Variants in ASIC2 observed in about 807,000 individuals in gnomAD.
The protein encoded by ASIC2 is acid-sensing ion channel 2.
ASIC2 carries 25 observed loss-of-function variants against 57.3 expected under a neutral mutation model. The ratio of observed to expected loss-of-function variants is 0.44; its 90% CI spans 0.32 to 0.61. The LOEUF (loss-of-function observed/expected upper bound fraction) is 0.61. ASIC2 is among the 20% of genes least tolerant of loss of function. The pLI is 0.06. For missense variants in ASIC2, 641 were observed against 738.1 expected (o/e 0.87, Z 1.52); for synonymous variants, 319 against 307.5 (o/e 1.04, Z -0.39).
At chr17:33,381,336 G>A (rs990660287) in intron 1 of ASIC2, among the ~76,000 whole-genome samples, 1 of 152,244 alleles carries the variant, frequency 6.6e-6, no homozygotes, top group Non-Finnish European at 1.5e-5. Flanking sequence ...GGCACCAAGA[G>A]CATGGGGGGA....
chr17:33,215,836 A>T (rs1907459910), intron 1 of ASIC2, among the ~76,000 whole-genome samples: 1 of 151,890 alleles, frequency 6.6e-6, no homozygotes, highest in Non-Finnish European at 1.5e-5. Flanking sequence ...AGTAGCTGGG[A>T]CTACAGGCGC....
chr17:33,413,999 A>G (rs1910751124), intron 1 of ASIC2, among the ~76,000 whole-genome samples: 1 of 152,154 alleles, frequency 6.6e-6, no homozygotes, highest in Non-Finnish European at 1.5e-5. Flanking sequence ...AAGGAGCATC[A>G]TTTGAGGAGA....
chr17:33,255,783 T>C (rs747531771), intron 1 of ASIC2, among the ~76,000 whole-genome samples: 14 of 152,200 alleles, frequency 9.2e-5, no homozygotes, highest in Non-Finnish European at 2.1e-4. Flanking sequence ...ATTTCAGGCA[T>C]GTCAAAATGT....
At chr17:33,392,209 T>G in intron 1 of ASIC2, among the ~76,000 whole-genome samples, 1 of 147,634 alleles carries the variant, frequency 6.8e-6, no homozygotes, top group Admixed American at 6.8e-5. Context: ...CTTCCTTCCT[T>G]CCTTCCTTCC....
At chr17:33,864,450 C>T (rs1914179596) in intron 1 of ASIC2, among the ~76,000 whole-genome samples, 1 of 152,248 alleles carries the variant, frequency 6.6e-6, no homozygotes, top group African/African-American at 2.4e-5. Context: ...CCCGATAGGG[C>T]AGGTAGTTAG....
intron 1 of ASIC2, among the ~76,000 whole-genome samples, chr17:33,898,474 G>T (rs1337766042): frequency 1.3e-5 from 2 of 151,526 alleles, no homozygotes; most frequent in Non-Finnish European, 2.9e-5. Flanking sequence ...CTGATCTTGT[G>T]ATCTGCCTGC....
intron 3 of ASIC2, among the ~76,000 whole-genome samples, chr17:33,034,326 C>T (rs1014262370): frequency 5.9e-5 from 9 of 152,236 alleles, no homozygotes; most frequent in African/African-American, 2.2e-4. Flanking sequence ...TAACAATACC[C>T]TGTCTCTAGC....
At chr17:33,029,821 C>T (rs1040384961) in intron 3 of ASIC2, among the ~76,000 whole-genome samples, 1 of 152,180 alleles carries the variant, frequency 6.6e-6, no homozygotes, top group Admixed American at 6.5e-5. Context: ...TTGATTTTAG[C>T]CATTTTTGTA....
chr17:33,287,687 C>A (rs1905252648), intron 1 of ASIC2, among the ~76,000 whole-genome samples: 1 of 152,136 alleles, frequency 6.6e-6, no homozygotes, highest in Non-Finnish European at 1.5e-5. Context: ...ACAGACACCC[C>A]CCTCCCCTGC....
intron 1 of ASIC2, among the ~76,000 whole-genome samples, chr17:33,203,674 G>T (rs1906960867): frequency 6.6e-6 from 1 of 152,090 alleles, no homozygotes; most frequent in African/African-American, 2.4e-5. Flanking sequence ...GTGGGTGATG[G>T]ACTCTACCTT....
intron 3 of ASIC2, among the ~76,000 whole-genome samples, chr17:33,030,427 T>G (rs916631998): frequency 7.2e-5 from 11 of 152,200 alleles, no homozygotes; most frequent in Non-Finnish European, 1.0e-4. Context: ...TGAGATTCAT[T>G]CATGCTTTTG....
intron 1 of ASIC2, among the ~76,000 whole-genome samples, chr17:33,644,536 G>A (rs1906681904): frequency 6.6e-6 from 1 of 152,160 alleles, no homozygotes; most frequent in South Asian, 2.1e-4. Context: ...AAACTTTCAA[G>A]CCTTTGAATA....
At chr17:33,581,850 G>C (rs996571068) in intron 1 of ASIC2, among the ~76,000 whole-genome samples, 2 of 152,214 alleles carry the variant, frequency 1.3e-5, no homozygotes, top group South Asian at 4.1e-4. Context: ...ACTCTGGAGC[G>C]GGGAGGTGGG....
intron 1 of ASIC2, among the ~76,000 whole-genome samples, chr17:33,911,611 G>A (rs996587960): frequency 2.0e-5 from 3 of 152,140 alleles, no homozygotes; most frequent in African/African-American, 4.8e-5. Flanking sequence ...TCATATAGGA[G>A]ACTGTGTACC....
intron 1 of ASIC2, among the ~76,000 whole-genome samples, chr17:33,491,344 A>G (rs9915613): frequency 0.39 from 58,510 of 151,962 alleles, 11,634 homozygotes; most frequent in East Asian, 0.6. Flanking sequence ...CTACTTGTCA[A>G]GAGGATTTAC....
intron 1 of ASIC2, among the ~76,000 whole-genome samples, chr17:33,241,225 T>A (rs147008856): frequency 1.4e-4 from 22 of 152,330 alleles, no homozygotes; most frequent in Non-Finnish European, 3.2e-4. Context: ...AACTGAGTAT[T>A]GGGTACTTTA....
intron 1 of ASIC2, chr17:33,291,073 G>A (rs1222149477): frequency 7.9e-5 from 26 of 327,778 alleles, no homozygotes; most frequent in Non-Finnish European, 1.1e-4. Context: ...AGTCCTGAGG[G>A]CCTGGAGTTG....
chr17:34,144,520 T>C (rs916899), intron 1 of ASIC2, among the ~76,000 whole-genome samples: 115,415 of 152,098 alleles, frequency 0.76, 43,887 homozygotes, highest in South Asian at 0.85. Flanking sequence ...GTAATAATAA[T>C]AGTAACAACA....
chr17:33,217,268 A>T (rs1425244043), intron 1 of ASIC2, among the ~76,000 whole-genome samples: 1 of 152,164 alleles, frequency 6.6e-6, no homozygotes, highest in East Asian at 1.9e-4. Flanking sequence ...GAGAGCTATA[A>T]AAGTTCAGTG....
Sources: allele counts gnomAD v4.1 joint callset (sites outside exome capture counted in the v4.1 genomes callset), GRCh38; gene constraint gnomAD v4.1.1; transcripts MANE v1.5; gene names NCBI Gene and HGNC (gene_info 2026-07-23, HGNC 2026-07-21).